Variants in COL6A2 observed in about 807,000 individuals in gnomAD.
The protein encoded by COL6A2 is collagen alpha-2(VI) chain.
Under a neutral mutation model 124.9 loss-of-function variants are expected in COL6A2, and 90 were observed. The observed-to-expected ratio is 0.72, with a 90% CI of 0.61 to 0.86. The LOEUF (loss-of-function observed/expected upper bound fraction) is 0.86, where lower values mean the gene tolerates loss of function less well. Among genes scored for constraint, COL6A2 ranks in the 40% least tolerant of loss-of-function variants. The pLI, the probability that COL6A2 is intolerant of heterozygous loss-of-function variation, is 0.00. For missense variants in COL6A2, 1,607 were observed against 1,502.5 expected, an observed-to-expected ratio of 1.07 and a Z score of -1.15; for synonymous variants, 793 against 618.2, an observed-to-expected ratio of 1.28 and a Z score of -4.19.
In COL6A2 at chr21:46,132,094, A is replaced by C. The variant is rs2078768031; in HGVS notation, c.2602A>C (p.Arg868=). Residue 868 remains arginine (R), a synonymous_variant, in exon 28 of 28, where the codon AGG becomes CGG. Coordinates refer to ENST00000300527, the MANE Select transcript of COL6A2 (RefSeq NM_001849.4). ...QVARRLTLAR[R]DDDPLNARVA... Reference sequence around the variant, plus strand: ...GGCGCGGCGGCTGACGCTGGCCCGGAGGGACGACGACCCTCTCAACGCACG... The same window carrying C: ...GGCGCGGCGGCTGACGCTGGCCCGGCGGGACGACGACCCTCTCAACGCACG... 1 of 1,595,668 alleles carries C rather than the reference A, an allele frequency of 6.3e-7. No individual in the cohort carries two copies. Among genetic ancestry groups the C allele is most frequent in the Non-Finnish European group, 8.5e-7 (1 of 1,173,924 alleles).
intron 27 of COL6A2, chr21:46,129,366 G>A (rs556565019): frequency 4.0e-5 from 65 of 1,612,830 alleles, no homozygotes; most frequent in East Asian, 2.2e-4. Flanking sequence ...GGTCTACACC[G>A]CCGAGCGGGC....
At position 46,132,103 on chromosome 21, in the gene COL6A2, G is replaced by A. The variant is rs387906610; in HGVS notation, c.2611G>A (p.Asp871Asn). ...GCTGACGCTGGCCCGGAGGGACGAC[G>A]ACCCTCTCAACGCACGCGTGGCGCT... ...RRLTLARRDD[D>N]PLNARVALLQ... is the part of the protein sequence containing the mutation. The change falls in exon 28 of 28, where the codon GAC becomes AAC. Residue 871 changes from aspartate (D) to asparagine (N), a missense_variant. Physicochemically the swap from Asp to Asn is conservative, Grantham distance 23. This residue lies in a region of COL6A2 where 1,223 missense variants were observed against 1,052.2 expected (regional missense o/e 1.16). Coordinates refer to ENST00000300527, the MANE Select transcript of COL6A2 (RefSeq NM_001849.4). 22 of 1,592,866 alleles carry A rather than the reference G, an allele frequency of 1.4e-5. No homozygotes were observed. Among genetic ancestry groups the A allele is most frequent in the East Asian group, 2.3e-5 (1 of 43,428 alleles).
chr21:46,125,406 C>G (rs762580493), intron 24 of COL6A2, 59 bp from the exon 25 acceptor site: 24 of 1,608,650 alleles, frequency 1.5e-5, no homozygotes, highest in Non-Finnish European at 2.0e-5. Flanking sequence ...TGCATGTGCA[C>G]GTGACCCTAG....
In COL6A2 at chr21:46,132,111, C is replaced by T. The variant is rs757138494; in HGVS notation, c.2619C>T (p.Leu873=). ...TGGCCCGGAGGGACGACGACCCTCT[C>T]AACGCACGCGTGGCGCTGCTGCAGT... The part of the protein sequence containing the change: ...LTLARRDDDP[L]NARVALLQFG... Residue 873 remains leucine, a synonymous_variant, in exon 28 of 28, where the codon CTC becomes CTT. Coordinates refer to ENST00000300527, the MANE Select transcript of COL6A2 (RefSeq NM_001849.4). The T allele has an allele frequency of 1.3e-6, 2 of 1,587,820 alleles. No homozygotes were observed. Among genetic ancestry groups the T allele is most frequent in the East Asian group, 4.7e-5 (2 of 42,974 alleles).
At chr21:46,125,685 G>A in intron 25 of COL6A2, 68 bp downstream of exon 25, 4 of 1,591,708 alleles carry the variant, frequency 2.5e-6, no homozygotes, top group Non-Finnish European at 3.4e-6. Flanking sequence ...GATGAGATGG[G>A]AGAAGTCCAG....
chr21:46,124,999 T>G, intron 23 of COL6A2, 79 bp downstream of exon 23: 2 of 1,543,872 alleles, frequency 1.3e-6, no homozygotes, highest in East Asian at 4.5e-5. Context: ...TGGGGGAAGG[T>G]CAGCTGGCAC....
At chr21:46,115,766 A>G in intron 5 of COL6A2, 106 bp from the exon 6 acceptor site, 2 of 990,306 alleles carry the variant, frequency 2.0e-6, no homozygotes, top group Non-Finnish European at 3.1e-6. Flanking sequence ...GGGCAGGGGA[A>G]TCAGTAACCT....
At chr21:46,099,646 C>T (rs2078265997) in intron 1 of COL6A2, among the ~76,000 whole-genome samples, 1 of 152,252 alleles carries the variant, frequency 6.6e-6, no homozygotes, top group South Asian at 2.1e-4. Context: ...GGGCCCTACC[C>T]AGCCCGCGGG....
rs3831408 is a variant in COL6A2 at position 46,120,123 on chromosome 21, GCC to G, written c.1332+277_1332+278del. Among the ~76,000 whole-genome samples the G allele has an allele frequency of 0.55, 56,370 of 101,778 alleles. 11,811 individuals are homozygous for G. The highest frequency in any genetic ancestry group is 0.61 in the African/African-American group (20,445 of 33,670). 66.8% of individuals were successfully genotyped at this position (101,778 alleles called of 152,430 possible). ...ACTGAGGCACCACTCACACCCCCCG[GCC>G]CCCACTGAGGCACCTCTTACCCCCA... On this transcript the variant is annotated intron_variant, in intron 15 of 27. Coordinates refer to ENST00000300527, the MANE Select transcript of COL6A2 (RefSeq NM_001849.4).
At chr21:46,130,564 C>T (rs907663677) in intron 27 of COL6A2, among the ~76,000 whole-genome samples, 2 of 152,108 alleles carry the variant, frequency 1.3e-5, no homozygotes, top group East Asian at 3.9e-4. Flanking sequence ...GAGCAGAGTC[C>T]ACAGACATCC....
intron 21 of COL6A2, among the ~76,000 whole-genome samples, chr21:46,124,079 A>C (rs1345153307): frequency 7.3e-6 from 1 of 137,868 alleles, no homozygotes; most frequent in Non-Finnish European, 1.6e-5. Context: ...CCGATGGATG[A>C]ATGGGTGGGT....
rs2123628097 is a variant in COL6A2, at chr21:46,116,648, C to T, written c.928-3C>T. The stretch of plus-strand genomic sequence containing the variant: ...TCACTGCGCCGGCTTTCCTCCTACA[C>T]AGGGTGAATTTGGAGCCGACGGTCG... On this transcript the variant is annotated splice_polypyrimidine_tract_variant and splice_region_variant and intron_variant, in intron 8 of 27. Coordinates refer to ENST00000300527, the MANE Select transcript of COL6A2 (RefSeq NM_001849.4). The surrounding 1 kb of genome is among the most constrained non-coding windows in gnomAD (Gnocchi z 4.6). 5 of 1,613,056 alleles carry T rather than the reference C, an allele frequency of 3.1e-6. No individual in the cohort carries two copies. The Admixed American group carries it at 6.7e-5, about 21-fold the overall frequency.
intron 14 of COL6A2, among the ~76,000 whole-genome samples, chr21:46,119,509 G>A (rs1212867046): frequency 6.6e-6 from 1 of 152,166 alleles, no homozygotes; most frequent in Non-Finnish European, 1.5e-5. Context: ...CACCTAAAAC[G>A]CCACTCACCA....
At chr21:46,117,592 C>A in intron 11 of COL6A2, 139 bp downstream of exon 11, 1 of 917,754 alleles carries the variant, frequency 1.1e-6, no homozygotes. Flanking sequence ...AGCCCCAGCC[C>A]AGCATTCTGC....
At chr21:46,106,456 T>C (rs2078336184) in intron 1 of COL6A2, among the ~76,000 whole-genome samples, 1 of 152,240 alleles carries the variant, frequency 6.6e-6, no homozygotes, top group Non-Finnish European at 1.5e-5. Flanking sequence ...ATAGTACCTA[T>C]GTCCAAGGCC....
At chr21:46,115,266 C>T (rs73382441) in intron 5 of COL6A2, among the ~76,000 whole-genome samples, 7,586 of 152,294 alleles carry the variant, frequency 0.05, 227 homozygotes, top group East Asian at 0.11. Context: ...GTTCCAGAAG[C>T]CTCTGCCCAC....
intron 23 of COL6A2, 126 bp from the exon 24 acceptor site, chr21:46,125,140 C>A: frequency 9.2e-7 from 1 of 1,088,760 alleles, no homozygotes; most frequent in South Asian, 1.3e-5. Context: ...CAGGACCCGC[C>A]AGCCTCCCCG....
At chr21:46,124,539 C>CG in intron 21 of COL6A2, 112 bp from the exon 22 acceptor site, 6 of 549,006 alleles carry the variant, frequency 1.1e-5, no homozygotes, top group Admixed American at 3.2e-5. Flanking sequence ...ACCTGTTAGC[C>CG]CCCCCCCCCG....
chr21:46,104,221 A>G (rs749848278), intron 1 of COL6A2, among the ~76,000 whole-genome samples: 1 of 152,206 alleles, frequency 6.6e-6, no homozygotes, highest in Non-Finnish European at 1.5e-5. Context: ...TGGTAGATCT[A>G]CTAGACAAAG....
Sources: allele counts gnomAD v4.1 joint callset (sites outside exome capture counted in the v4.1 genomes callset), GRCh38; gene constraint gnomAD v4.1.1; regional missense constraint gnomAD v4.1.1; non-coding constraint Gnocchi (gnomAD v3.1); transcripts MANE v1.5; gene names NCBI Gene and HGNC (gene_info 2026-07-23, HGNC 2026-07-21).